The following RNPC3 variants were observed in gnomAD, a reference collection of about 807,000 sequenced individuals.
RNPC3 encodes the protein RNA-binding region-containing protein 3.
Under a neutral mutation model 67.5 loss-of-function variants are expected in RNPC3, and 48 were observed. That is an observed-to-expected ratio of 0.71 (90% CI 0.56 to 0.90). The LOEUF (loss-of-function observed/expected upper bound fraction) is 0.90. Ranked by LOEUF, RNPC3 falls within the 40% of genes least tolerant of loss-of-function variation. The pLI is 0.00. For missense variants in RNPC3, 637 were observed against 626.1 expected (o/e 1.02, Z -0.19); for synonymous variants, 239 against 210.3 (o/e 1.14, Z -1.18).
In RNPC3 at chr1:103,533,856, A is replaced by AT; in HGVS notation, c.358_359insT (p.Arg120MetfsTer3). ...CACTTCAGGCTCTGAAAAAAAAAAA[A>AT]GGTATGTAGATCAGTAAATCATACA... is the stretch of plus-strand genomic sequence containing the variant. On this transcript the variant is annotated frameshift_variant and splice_region_variant, in exon 3 of 15. Transcript: ENST00000423855. LOFTEE classifies it high-confidence loss of function. 1 of 1,378,188 alleles carries AT rather than the reference A, an allele frequency of 7.3e-7. No homozygotes were observed. Among genetic ancestry groups the AT allele is most frequent in the Non-Finnish European group, 9.9e-7 (1 of 1,005,394 alleles). The allele number at this position is 1,378,188 out of a possible 1,614,324, so 85.4% of individuals were successfully genotyped here. A position where few individuals can be genotyped will look rare whatever the true frequency, so the allele number is the denominator to read the frequency against.
chr1:103,546,444 T>C, intron 11 of RNPC3, 102 bp downstream of exon 11: 1 of 543,704 alleles, frequency 1.8e-6, no homozygotes, highest in South Asian at 2.9e-5. Context: ...GAATGTGGTT[T>C]TCTTACTGTG....
At chr1:103,544,379 G>C (rs1043176871) in intron 9 of RNPC3, among the ~76,000 whole-genome samples, 3 of 151,774 alleles carry the variant, frequency 2.0e-5, no homozygotes, top group African/African-American at 7.2e-5. Flanking sequence ...CTAGTTAGGG[G>C]TAGCTTACTA....
At chr1:103,551,383 T>G (rs371829758) in intron 13 of RNPC3, 52 of 353,868 alleles carry the variant, frequency 1.5e-4, no homozygotes, top group African/African-American at 9.7e-4. Context: ...ATAAAAGAAC[T>G]AATTCATTTT....
At chr1:103,526,976 A>G (rs755127912) in intron 1 of RNPC3, among the ~76,000 whole-genome samples, 25 of 152,172 alleles carry the variant, frequency 1.6e-4, no homozygotes, top group Non-Finnish European at 3.5e-4. Flanking sequence ...AATTAGAAGA[A>G]AGACCAATTT....
At chr1:103,551,248 T>C (rs1651381014) in intron 13 of RNPC3, 175 bp downstream of exon 13, 1 of 567,926 alleles carries the variant, frequency 1.8e-6, no homozygotes, top group South Asian at 2.6e-5. Flanking sequence ...TTTAGATTTT[T>C]AATAAAAGAG....
At chr1:103,549,006 A>G (rs1285494305) in intron 12 of RNPC3, among the ~76,000 whole-genome samples, 1 of 152,148 alleles carries the variant, frequency 6.6e-6, no homozygotes, top group African/African-American at 2.4e-5. Context: ...CTCATGTACT[A>G]TCATGAGAAC....
intron 7 of RNPC3, 108 bp downstream of exon 7, chr1:103,537,592 A>C (rs1651016805): frequency 2.2e-6 from 2 of 920,058 alleles, no homozygotes; most frequent in Non-Finnish European, 3.1e-6. Flanking sequence ...GTTTGGGGTG[A>C]TTAGAATTTG....
At chr1:103,529,882 C>G (rs1453760849) in intron 2 of RNPC3, among the ~76,000 whole-genome samples, 1 of 152,192 alleles carries the variant, frequency 6.6e-6, no homozygotes, top group Non-Finnish European at 1.5e-5. Flanking sequence ...AGCTTTATCT[C>G]TATTCAGGGC....
chr1:103,542,933 A>G (rs1286056153), intron 8 of RNPC3, among the ~76,000 whole-genome samples: 2 of 151,790 alleles, frequency 1.3e-5, no homozygotes, highest in African/African-American at 4.8e-5. Flanking sequence ...CTAATATTAT[A>G]TAGATATGTT....
Position 103,535,371 on chromosome 1 carries a change from C to T in RNPC3, c.485C>T (p.Pro162Leu), listed in dbSNP as rs1650955992. 1.3e-6 allele frequency: 2 copies of T among 1,535,536 alleles called. No individual in the cohort carries two copies. Among genetic ancestry groups the T allele is most frequent in the Non-Finnish European group, 1.7e-6 (2 of 1,145,748 alleles). Residue 162 changes from proline (P) to leucine (L), a missense_variant, in exon 5 of 15, where the codon CCA becomes CTA. Around this residue, in one of 3 missense-constraint regions of RNPC3, gnomAD observed 536 missense variants for 500.3 expected, o/e 1.07. Coordinates refer to ENST00000423855, the MANE Select transcript of RNPC3 (RefSeq NM_017619.4). ...PLNSCLKYMY[P>L]PPSSTILANI... is the part of the protein sequence containing the mutation. ...AATTCATGCCTCAAGTATATGTACC[C>T]ACCACCTTCCAGCACAATCCTAGCA...
rs1650689879 is a variant in RNPC3, at chr1:103,525,922, C to G, written c.-149C>G. ...TGCCGCTTTTCGGTGGCGCAGTTCT[C>G]GCGAGAAGGTGACTTTCTTTCTCGG... is the stretch of plus-strand genomic sequence containing the variant. On this transcript the variant is annotated 5_prime_UTR_variant, in exon 1 of 15. Transcript: ENST00000423855. 1 of 664,474 alleles carries G rather than the reference C, an allele frequency of 1.5e-6. No individual in the cohort carries two copies. Among genetic ancestry groups the G allele is most frequent in the Non-Finnish European group, 2.5e-6 (1 of 399,540 alleles). 41.2% of individuals were successfully genotyped at this position (664,474 alleles called of 1,614,324 possible). A position where few individuals can be genotyped will look rare whatever the true frequency, so the allele number is the denominator to read the frequency against.
At chr1:103,527,810 G>A in intron 2 of RNPC3, 68 bp downstream of exon 2, 2 of 1,139,336 alleles carry the variant, frequency 1.8e-6, no homozygotes, top group Non-Finnish European at 2.5e-6. Context: ...TTCAGATAAT[G>A]TTTAACTGTG....
chr1:103,550,022 A>C (rs1651346700), intron 12 of RNPC3, among the ~76,000 whole-genome samples: 1 of 151,718 alleles, frequency 6.6e-6, no homozygotes, highest in Non-Finnish European at 1.5e-5. Context: ...AAATTAGCCA[A>C]GCATGGCGGT....
At chr1:103,535,542 G>A in intron 5 of RNPC3, 101 bp downstream of exon 5, 1 of 665,368 alleles carries the variant, frequency 1.5e-6, no homozygotes, top group South Asian at 2.1e-5. Context: ...ATTCTAGACA[G>A]CCAGTGATAC....
At chr1:103,535,884 C>A (rs1287438002) in intron 5 of RNPC3, among the ~76,000 whole-genome samples, 1 of 151,838 alleles carries the variant, frequency 6.6e-6, no homozygotes, top group African/African-American at 2.4e-5. Context: ...TTTTATATTG[C>A]AAGAACGTTA....
intron 7 of RNPC3, among the ~76,000 whole-genome samples, chr1:103,539,723 C>A (rs895220013): frequency 1.3e-5 from 2 of 152,046 alleles, no homozygotes; most frequent in Non-Finnish European, 2.9e-5. Context: ...TGTAACAAGA[C>A]CTAAACAAAA....
Position 103,526,218 on chromosome 1 carries a change from T to C in RNPC3, c.148T>C (p.Phe50Leu), listed in dbSNP as rs756882032. ...GGAGAAAGAGGACTTGCTGAAGTAC[T>C]TCGGGGCTCAGTCTGTGCGGGTCCT... ...AEEKEDLLKY[F>L]GAQSVRVLSD... Residue 50 changes from phenylalanine to leucine, a missense_variant, in exon 1 of 15, where the codon TTC (phenylalanine) becomes CTC (leucine). Phe to Leu is a conservative substitution (Grantham distance 22). This residue lies in a region of RNPC3 where 536 missense variants were observed against 500.3 expected (regional missense o/e 1.07). Coordinates refer to ENST00000423855, the MANE Select transcript of RNPC3 (RefSeq NM_017619.4). The C allele has an allele frequency of 4.5e-6, 7 of 1,551,198 alleles. No individual in the cohort carries two copies. Among genetic ancestry groups the C allele is most frequent in the African/African-American group, 1.4e-5 (1 of 73,022 alleles).
intron 6 of RNPC3, among the ~76,000 whole-genome samples, chr1:103,536,476 A>C (rs140155209): frequency 1.3e-3 from 198 of 152,322 alleles, no homozygotes; most frequent in African/African-American, 4.7e-3. Context: ...ATATTTAACT[A>C]AATTACCTAA....
At chr1:103,545,837 T>C (rs1651229044) in intron 10 of RNPC3, 1 of 152,284 alleles carries the variant, frequency 6.6e-6, no homozygotes, top group African/African-American at 2.4e-5. Flanking sequence ...AGTACCCAAA[T>C]CAATTAACAT....
Sources: gnomAD v4.1 joint callset for allele counts (sites outside exome capture counted in the v4.1 genomes callset) on GRCh38, gnomAD v4.1.1 for gene constraint, gnomAD v4.1.1 regional missense constraint, MANE v1.5 for transcripts, NCBI Gene and HGNC (gene_info 2026-07-23, HGNC 2026-07-21) for gene names.